THSD7B: variants seen among roughly 807,000 people sequenced by gnomAD.
The protein encoded by THSD7B is thrombospondin type-1 domain-containing protein 7B.
A neutral mutation model predicts 213.6 loss-of-function variants in THSD7B; 138 were observed. The observed-to-expected ratio is 0.65, with a 90% CI of 0.56 to 0.74. The LOEUF is 0.74. THSD7B is among the 30% of genes least tolerant of loss of function. THSD7B has a pLI of 0.00. For missense variants in THSD7B, 1,931 were observed against 1,991.5 expected (o/e 0.97, Z 0.58); for synonymous variants, 742 against 687.0 (o/e 1.08, Z -1.25).
chr2:137,081,183 G>A (rs896156765), intron 3 of THSD7B, among the ~76,000 whole-genome samples: 1 of 152,036 alleles, frequency 6.6e-6, no homozygotes, highest in Non-Finnish European at 1.5e-5. Flanking sequence ...AGGGTCGATT[G>A]ATCTGGATTA....
chr2:137,620,452 T>C (rs960143186), intron 19 of THSD7B, among the ~76,000 whole-genome samples, 157 bp from the exon 20 acceptor site: 5 of 152,216 alleles, frequency 3.3e-5, no homozygotes, highest in Non-Finnish European at 7.3e-5. Context: ...TCATTTTCTA[T>C]GATTGTCACC....
At chr2:136,974,716 G>A (rs996909995) in intron 2 of THSD7B, among the ~76,000 whole-genome samples, 1 of 152,138 alleles carries the variant, frequency 6.6e-6, no homozygotes, top group East Asian at 1.9e-4. Context: ...TTTATACCCA[G>A]TAATGAGATT....
chr2:137,071,695 G>A (rs149404691), intron 3 of THSD7B, among the ~76,000 whole-genome samples: 5 of 152,190 alleles, frequency 3.3e-5, no homozygotes, highest in African/African-American at 1.2e-4. Context: ...GAATGATATT[G>A]CCTAGGTATT....
chr2:136,873,021 TAAAAA>T (rs1553454610), intron 1 of THSD7B, among the ~76,000 whole-genome samples: 3 of 43,504 alleles, frequency 6.9e-5, no homozygotes, highest in African/African-American at 1.9e-4. Flanking sequence ...AGACTCCATC[TAAAAA>T]AAAAAAAAAA....
At chr2:137,308,730 C>T (rs529516309) in intron 12 of THSD7B, among the ~76,000 whole-genome samples, 1 of 152,198 alleles carries the variant, frequency 6.6e-6, no homozygotes, top group African/African-American at 2.4e-5. Context: ...TACCTGAAAT[C>T]TCACCAACCT....
intron 15 of THSD7B, among the ~76,000 whole-genome samples, chr2:137,556,427 A>G (rs1680969020): frequency 6.6e-6 from 1 of 152,178 alleles, no homozygotes; most frequent in Admixed American, 6.5e-5. Context: ...CCAGAATTTC[A>G]TATCCAGCCA....
intron 9 of THSD7B, among the ~76,000 whole-genome samples, chr2:137,235,470 T>G (rs1290990480): frequency 6.6e-6 from 1 of 152,218 alleles, no homozygotes; most frequent in African/African-American, 2.4e-5. Context: ...GAATTGAGAC[T>G]GATACCAATT....
At chr2:136,813,136 T>C (rs552134774) in intron 1 of THSD7B, among the ~76,000 whole-genome samples, 32 of 152,350 alleles carry the variant, frequency 2.1e-4, no homozygotes, top group African/African-American at 7.0e-4. Context: ...GTTTAATTAA[T>C]ATCCTTTCTG....
intron 1 of THSD7B, among the ~76,000 whole-genome samples, chr2:136,792,663 T>C (rs1428002490): frequency 6.6e-6 from 1 of 151,936 alleles, no homozygotes; most frequent in Non-Finnish European, 1.5e-5. Context: ...CTAAAACTGC[T>C]CTAAAAAATA....
intron 5 of THSD7B, among the ~76,000 whole-genome samples, chr2:137,130,052 G>A (rs889540618): frequency 6.6e-6 from 1 of 152,112 alleles, no homozygotes; most frequent in Non-Finnish European, 1.5e-5. Context: ...GGAAAAACTG[G>A]AGGTCCTTTA....
At chr2:137,462,513 A>G (rs1687904964) in intron 15 of THSD7B, among the ~76,000 whole-genome samples, 1 of 152,088 alleles carries the variant, frequency 6.6e-6, no homozygotes, top group Non-Finnish European at 1.5e-5. Flanking sequence ...ATACGAATTC[A>G]TGACGAACAA....
chr2:137,095,531 A>T (rs1434994934), intron 4 of THSD7B, among the ~76,000 whole-genome samples: 2 of 152,192 alleles, frequency 1.3e-5, no homozygotes, highest in East Asian at 1.9e-4. Flanking sequence ...ATGTTCAGAG[A>T]GATTAAATGA....
At chr2:136,797,306 A>G (rs1170065893) in intron 1 of THSD7B, among the ~76,000 whole-genome samples, 1 of 151,828 alleles carries the variant, frequency 6.6e-6, no homozygotes, top group African/African-American at 2.4e-5. Flanking sequence ...ACTTTCTCTC[A>G]CTCTCTGAAG....
At chr2:137,538,673 A>G (rs567937118) in intron 15 of THSD7B, among the ~76,000 whole-genome samples, 1 of 151,866 alleles carries the variant, frequency 6.6e-6, no homozygotes, top group East Asian at 1.9e-4. Flanking sequence ...TTGCTGTTGA[A>G]TGAATTCCTT....
intron 1 of THSD7B, among the ~76,000 whole-genome samples, chr2:136,879,251 G>T (rs1318410188): frequency 6.6e-6 from 1 of 152,062 alleles, no homozygotes; most frequent in African/African-American, 2.4e-5. Context: ...ATTTCTGAGG[G>T]CTCTGTTCTG....
chr2:136,905,574 T>A (rs953493745), intron 2 of THSD7B, among the ~76,000 whole-genome samples: 2 of 151,956 alleles, frequency 1.3e-5, no homozygotes, highest in Non-Finnish European at 2.9e-5. Context: ...AAATTAACAG[T>A]CAGGTTTGTA....
At chr2:137,144,878 A>G (rs190072623) in intron 5 of THSD7B, among the ~76,000 whole-genome samples, 63 of 152,222 alleles carry the variant, frequency 4.1e-4, no homozygotes, top group Admixed American at 1.1e-3. Flanking sequence ...TGAATGAACT[A>G]AGCATCAGGA....
intron 12 of THSD7B, among the ~76,000 whole-genome samples, chr2:137,390,812 C>G (rs1178935422): frequency 2.6e-5 from 4 of 152,056 alleles, no homozygotes; most frequent in Non-Finnish European, 4.4e-5. Context: ...CTTAAATTCT[C>G]TTTACGTGCT....
At chr2:137,654,178 C>T (rs553489810) in intron 21 of THSD7B, among the ~76,000 whole-genome samples, 1 of 152,216 alleles carries the variant, frequency 6.6e-6, no homozygotes, top group African/African-American at 2.4e-5. Flanking sequence ...GTTTGCTTTG[C>T]TTCAGTAAAC....
Sources: allele counts gnomAD v4.1 joint callset (sites outside exome capture counted in the v4.1 genomes callset), GRCh38; gene constraint gnomAD v4.1.1; transcripts MANE v1.5; gene names NCBI Gene and HGNC (gene_info 2026-07-23, HGNC 2026-07-21).